Variants in ZNF385B observed in about 807,000 individuals in gnomAD.
The protein encoded by ZNF385B is zinc finger protein 385B, also known as zinc finger protein 533.
ZNF385B carries 23 observed loss-of-function variants against 39.2 expected under a neutral mutation model. The observed-to-expected ratio is 0.59, with a 90% CI of 0.42 to 0.83. ZNF385B has a LOEUF of 0.83. Ranked by LOEUF, ZNF385B falls within the 40% of genes least tolerant of loss-of-function variation. The probability of loss-of-function intolerance (pLI) is 0.00; values close to 1 mark genes in which losing one functional copy is unlikely to be tolerated. For synonymous variants in ZNF385B, 205 were observed against 222.6 expected (o/e 0.92, Z 0.70); for missense variants, 552 against 598.9 (o/e 0.92, Z 0.82).
chr2:179,776,821 A>G (rs1704350530), intron 1 of ZNF385B, among the ~76,000 whole-genome samples: 1 of 152,172 alleles, frequency 6.6e-6, no homozygotes, highest in Non-Finnish European at 1.5e-5. Context: ...TCTTGCAGCT[A>G]GTAGGGGAGA....
intron 1 of ZNF385B, among the ~76,000 whole-genome samples, chr2:179,813,279 C>T (rs901397463): frequency 6.6e-6 from 1 of 151,982 alleles, no homozygotes; most frequent in African/African-American, 2.4e-5. Context: ...GACATCTGTC[C>T]CCAATGTATT....
At chr2:179,534,168 G>C (rs1338538115) in intron 4 of ZNF385B, among the ~76,000 whole-genome samples, 1 of 152,134 alleles carries the variant, frequency 6.6e-6, no homozygotes, top group East Asian at 1.9e-4. Context: ...TTTTAAACTG[G>C]AGTGTTATGT....
intron 1 of ZNF385B, among the ~76,000 whole-genome samples, chr2:179,835,284 T>C (rs1258046931): frequency 6.6e-6 from 1 of 152,204 alleles, no homozygotes; most frequent in Non-Finnish European, 1.5e-5. Context: ...CTGTTTCCAA[T>C]TGTTGAACCT....
chr2:179,733,190 G>C (rs979792443), intron 3 of ZNF385B, among the ~76,000 whole-genome samples: 1 of 152,162 alleles, frequency 6.6e-6, no homozygotes, highest in African/African-American at 2.4e-5. Flanking sequence ...CTCAGGACTT[G>C]ACCAAACACC....
intron 4 of ZNF385B, among the ~76,000 whole-genome samples, chr2:179,523,629 C>A (rs2058666484): frequency 6.6e-6 from 1 of 152,086 alleles, no homozygotes; most frequent in African/African-American, 2.4e-5. Flanking sequence ...TAAACTTGTT[C>A]AACTATCCCA....
At chr2:179,751,019 G>A (rs200366200) in intron 3 of ZNF385B, among the ~76,000 whole-genome samples, 1 of 152,038 alleles carries the variant, frequency 6.6e-6, no homozygotes, top group Admixed American at 6.6e-5. Context: ...CAAACCAAAG[G>A]TTGCATCATT....
At chr2:179,835,459 TAC>T (rs1179408682) in intron 1 of ZNF385B, among the ~76,000 whole-genome samples, 1 of 152,158 alleles carries the variant, frequency 6.6e-6, no homozygotes, top group East Asian at 1.9e-4. Flanking sequence ...CCTAATGGAA[TAC>T]ACATAAGCTA....
At chr2:179,813,813 G>C (rs1706886379) in intron 1 of ZNF385B, among the ~76,000 whole-genome samples, 1 of 152,070 alleles carries the variant, frequency 6.6e-6, no homozygotes, top group Non-Finnish European at 1.5e-5. Context: ...TCTGGCAATA[G>C]CAAACAAGAG....
At chr2:179,714,063 A>T (rs945080160) in intron 3 of ZNF385B, among the ~76,000 whole-genome samples, 1 of 152,246 alleles carries the variant, frequency 6.6e-6, no homozygotes, top group Admixed American at 6.5e-5. Context: ...CAAAATGCCA[A>T]GTCAGTTTAC....
intron 3 of ZNF385B, among the ~76,000 whole-genome samples, chr2:179,594,402 T>C (rs1257712577): frequency 6.6e-6 from 1 of 152,228 alleles, no homozygotes; most frequent in Non-Finnish European, 1.5e-5. Flanking sequence ...CAACTCATCA[T>C]CATACACTTT....
intron 3 of ZNF385B, among the ~76,000 whole-genome samples, chr2:179,615,942 T>C (rs1430686787): frequency 1.3e-5 from 2 of 152,218 alleles, no homozygotes; most frequent in Non-Finnish European, 2.9e-5. Context: ...GATGCAATGA[T>C]CGCATATTCA....
chr2:179,817,866 T>G (rs919045491), intron 1 of ZNF385B, among the ~76,000 whole-genome samples: 1 of 152,180 alleles, frequency 6.6e-6, no homozygotes, highest in Non-Finnish European at 1.5e-5. Flanking sequence ...AGAAAGTTCA[T>G]GCGCATACGC....
At chr2:179,604,403 GA>G (rs907380618) in intron 3 of ZNF385B, among the ~76,000 whole-genome samples, 65 of 149,092 alleles carry the variant, frequency 4.4e-4, no homozygotes, top group Admixed American at 1.1e-3. Context: ...GGGAATAACT[GA>G]AAAAAAAATA....
intron 3 of ZNF385B, among the ~76,000 whole-genome samples, chr2:179,666,627 CAA>C (rs1406809067): frequency 5.9e-5 from 9 of 151,802 alleles, no homozygotes; most frequent in African/African-American, 9.7e-5. Context: ...AAACTGACAC[CAA>C]GAGAGGAAAA....
chr2:179,749,740 T>C (rs1702567628), intron 3 of ZNF385B, among the ~76,000 whole-genome samples: 1 of 152,144 alleles, frequency 6.6e-6, no homozygotes, highest in South Asian at 2.1e-4. Context: ...AGGTTTTAAA[T>C]ATGCCTTTGA....
intron 1 of ZNF385B, among the ~76,000 whole-genome samples, chr2:179,820,886 T>G (rs1481991123): frequency 2.6e-5 from 4 of 152,114 alleles, no homozygotes; most frequent in Admixed American, 6.6e-5. Context: ...GCTAAGACAT[T>G]AAAACCTTAA....
chr2:179,522,106 T>G (rs1029460912), intron 4 of ZNF385B, among the ~76,000 whole-genome samples: 8 of 152,220 alleles, frequency 5.3e-5, no homozygotes, highest in African/African-American at 1.9e-4. Flanking sequence ...TTTATCTGAT[T>G]TTGAAACAGA....
intron 5 of ZNF385B, among the ~76,000 whole-genome samples, chr2:179,517,529 T>G (rs1021154708): frequency 4.7e-5 from 7 of 149,948 alleles, no homozygotes; most frequent in African/African-American, 1.7e-4. Flanking sequence ...GACTATGATT[T>G]TTTATTATGC....
At chr2:179,724,922 C>T (rs1700910828) in intron 3 of ZNF385B, among the ~76,000 whole-genome samples, 1 of 151,964 alleles carries the variant, frequency 6.6e-6, no homozygotes, top group Non-Finnish European at 1.5e-5. Flanking sequence ...TAATTTAAAC[C>T]ATTTTGCTAT....
Sources: gnomAD v4.1 joint callset for allele counts (sites outside exome capture counted in the v4.1 genomes callset) on GRCh38, gnomAD v4.1.1 for gene constraint, MANE v1.5 for transcripts, NCBI Gene and HGNC (gene_info 2026-07-23, HGNC 2026-07-21) for gene names.